STXBP5: variants seen among roughly 807,000 people sequenced by gnomAD.
The protein encoded by STXBP5 is syntaxin-binding protein 5.
A neutral mutation model predicts 152.4 loss-of-function variants in STXBP5; 50 were observed. That is an observed-to-expected ratio of 0.33 (90% CI 0.26 to 0.42). The LOEUF is 0.42. Among genes scored for constraint, STXBP5 ranks in the 10% least tolerant of loss-of-function variants. The pLI is 1.00. For missense variants in STXBP5, 1,167 were observed against 1,388.6 expected (o/e 0.84, Z 2.54); for synonymous variants, 492 against 494.7 (o/e 0.99, Z 0.07).
chr6:147,243,819 A>T (rs1778665723), intron 4 of STXBP5, among the ~76,000 whole-genome samples: 1 of 151,218 alleles, frequency 6.6e-6, no homozygotes, highest in Admixed American at 6.6e-5. Context: ...TTTGCTTATG[A>T]TTGTCCAGTT....
intron 9 of STXBP5, among the ~76,000 whole-genome samples, chr6:147,301,120 G>T (rs956763120): frequency 1.3e-5 from 2 of 152,070 alleles, no homozygotes; most frequent in African/African-American, 4.8e-5. Context: ...ACTCCAGTTA[G>T]AATGGCAGTT....
chr6:147,235,186 T>C (rs1778208237), intron 2 of STXBP5, 64 bp from the exon 3 acceptor site: 3 of 1,386,982 alleles, frequency 2.2e-6, no homozygotes. Context: ...CAGCCTATTA[T>C]ATAACTTACC....
At chr6:147,264,310 T>G (rs1193580643) in intron 6 of STXBP5, among the ~76,000 whole-genome samples, 1 of 152,094 alleles carries the variant, frequency 6.6e-6, no homozygotes, top group African/African-American at 2.4e-5. Flanking sequence ...GTTAGACTTA[T>G]GATAGGAATA....
chr6:147,295,374 A>T (rs1369986657), intron 9 of STXBP5, among the ~76,000 whole-genome samples: 1 of 152,340 alleles, frequency 6.6e-6, no homozygotes, highest in Non-Finnish European at 1.5e-5. Flanking sequence ...TCTCTTTATT[A>T]TGGAACCTAA....
At chr6:147,215,373 A>AT (rs890923110) in intron 2 of STXBP5, among the ~76,000 whole-genome samples, 16 of 151,604 alleles carry the variant, frequency 1.1e-4, no homozygotes, top group African/African-American at 2.9e-4. Flanking sequence ...AGAATCAGTA[A>AT]TTTTTTTTTG....
chr6:147,342,190 C>T (rs1442668792), intron 21 of STXBP5, among the ~76,000 whole-genome samples: 1 of 152,104 alleles, frequency 6.6e-6, no homozygotes. Flanking sequence ...AGATTAAGTT[C>T]TGTGTTAGAG....
chr6:147,292,233 T>C, intron 9 of STXBP5: 1 of 453,178 alleles, frequency 2.2e-6, no homozygotes, highest in South Asian at 1.6e-5. Flanking sequence ...TCGTTATCTT[T>C]TCCTTCCTTC....
chr6:147,316,973 A>G (rs1409398496), intron 16 of STXBP5, among the ~76,000 whole-genome samples: 1 of 152,220 alleles, frequency 6.6e-6, no homozygotes, highest in Non-Finnish European at 1.5e-5. Context: ...TAAATGATAG[A>G]GGCAGAGAAA....
chr6:147,309,969 G>A (rs1782282861), intron 9 of STXBP5, 115 bp from the exon 10 acceptor site: 1 of 753,058 alleles, frequency 1.3e-6, no homozygotes, highest in South Asian at 3.2e-5. Context: ...TATATGATGT[G>A]TAAAAATGTT....
chr6:147,298,351 T>G (rs1582907800), intron 9 of STXBP5, among the ~76,000 whole-genome samples: 1 of 152,080 alleles, frequency 6.6e-6, no homozygotes, highest in South Asian at 2.1e-4. Flanking sequence ...TTACTACATC[T>G]AAAGGGAGAG....
In STXBP5 at chr6:147,339,379, A is replaced by G. The variant is rs1260691456; in HGVS notation, c.2249A>G (p.Asp750Gly). ...SRKFSKMVAN[D>G]IAKMSRKLSL... Reference sequence around the variant, plus strand: ...AAGTTTTCCAAGATGGTAGCCAATGATATAGGTAGGAAATAGAAATTTCTA... The same window carrying G: ...AAGTTTTCCAAGATGGTAGCCAATGGTATAGGTAGGAAATAGAAATTTCTA... Residue 750 changes from aspartate to glycine, a missense_variant, in exon 21 of 28, where the codon GAT becomes GGT. This residue lies in a region of STXBP5 where 833 missense variants were observed against 986.3 expected (regional missense o/e 0.84). Coordinates refer to ENST00000321680, the MANE Select transcript of STXBP5 (RefSeq NM_001127715.4). The G allele has an allele frequency of 1.5e-5, 22 of 1,494,728 alleles. No homozygotes were observed. The Admixed American group carries it at 2.6e-4, about 17-fold the overall frequency. 92.6% of individuals were successfully genotyped at this position (1,494,728 alleles called of 1,614,324 possible).
At chr6:147,228,046 G>C (rs1192104409) in intron 2 of STXBP5, among the ~76,000 whole-genome samples, 1 of 152,040 alleles carries the variant, frequency 6.6e-6, no homozygotes, top group Non-Finnish European at 1.5e-5. Flanking sequence ...AGCTGGGCCA[G>C]TGTTGTTTAT....
rs73588331 is a variant in STXBP5 at position 147,365,885 on chromosome 6, A to G, written c.3081+1719A>G. ...TGGAGTTTCCAGTCAAGATGGAATA[A>G]TAGGAACCAGATTAACCCTCCTTCC... On this transcript the variant is annotated intron_variant, in intron 25 of 27. Coordinates refer to ENST00000321680, the MANE Select transcript of STXBP5 (RefSeq NM_001127715.4). 3.9e-3 allele frequency among the ~76,000 whole-genome samples: 595 copies of G among 152,330 alleles called. 5 individuals carry two copies. Among genetic ancestry groups the G allele is most frequent in the African/African-American group, 0.014 (570 of 41,582 alleles).
rs776932366 is a variant in STXBP5, at chr6:147,359,204, C to T, written c.2426C>T (p.Ser809Leu). The change falls in exon 23 of 28, where the codon TCG becomes TTG. Residue 809 changes from serine (S) to leucine (L), a missense_variant. Ser to Leu is a moderately radical substitution (Grantham distance 145). Transcript: ENST00000321680. ...GAAACGTTTACTCGAAAGACGGACT[C>T]GTCCCCTTCCCCTTGTCTATGGGTT... The part of the protein sequence containing the change: ...FCETFTRKTD[S>L]SPSPCLWVGT... 31 of 1,614,038 alleles carry T rather than the reference C, an allele frequency of 1.9e-5. 1 individual carries two copies. In the Middle Eastern group the frequency reaches 8.3e-4, roughly 43 times the overall value.
intron 2 of STXBP5, among the ~76,000 whole-genome samples, chr6:147,206,797 A>T (rs935460638): frequency 6.6e-6 from 1 of 152,134 alleles, no homozygotes; most frequent in Non-Finnish European, 1.5e-5. Context: ...AAATACTTCA[A>T]AAGATTTTTT....
At chr6:147,288,982 G>A (rs764937578) in intron 8 of STXBP5, among the ~76,000 whole-genome samples, 24 of 152,098 alleles carry the variant, frequency 1.6e-4, no homozygotes, top group African/African-American at 4.1e-4. Flanking sequence ...TCGTACACAC[G>A]TCCATCTGAG....
intron 7 of STXBP5, among the ~76,000 whole-genome samples, chr6:147,271,232 A>G (rs957038606): frequency 1.3e-5 from 2 of 152,184 alleles, no homozygotes; most frequent in African/African-American, 4.8e-5. Flanking sequence ...ACTTTTAAAG[A>G]TACAGATATG....
intron 27 of STXBP5, among the ~76,000 whole-genome samples, chr6:147,383,596 G>A (rs1237466811): frequency 2.0e-5 from 3 of 151,958 alleles, no homozygotes; most frequent in South Asian, 4.1e-4. Context: ...AAGCCTTTAC[G>A]GGAAATAACA....
rs1582866288 is a variant in STXBP5, at chr6:147,267,075, T to C, written c.631-9T>C. The C allele has an allele frequency of 3.1e-6, 5 of 1,604,720 alleles. No homozygotes were observed. The highest frequency in any genetic ancestry group is 4.2e-6 in the Non-Finnish European group (5 of 1,177,366). On this transcript the variant is annotated splice_polypyrimidine_tract_variant and intron_variant, in intron 6 of 27. Transcript: ENST00000321680. Reference sequence around the variant, plus strand: ...TTCCTAGGTAATGTGCCTTTTTCTTTTATCACAGCTTTTGATTGGCTTTGA... The same window carrying C: ...TTCCTAGGTAATGTGCCTTTTTCTTCTATCACAGCTTTTGATTGGCTTTGA...
Sources: gnomAD v4.1 joint callset for allele counts (sites outside exome capture counted in the v4.1 genomes callset) on GRCh38, gnomAD v4.1.1 for gene constraint, gnomAD v4.1.1 regional missense constraint, MANE v1.5 for transcripts, NCBI Gene and HGNC (gene_info 2026-07-23, HGNC 2026-07-21) for gene names.